The following CPNE4 variants were observed in gnomAD, a reference collection of about 807,000 sequenced individuals.
CPNE4 encodes the protein copine-4.
In CPNE4, 25 loss-of-function variants were observed where a neutral mutation model predicts 67.9. The observed-to-expected ratio is 0.37, with a 90% confidence interval of 0.27 to 0.51. CPNE4 has a LOEUF of 0.51. Ranked by LOEUF, CPNE4 falls within the 20% of genes least tolerant of loss-of-function variation. The probability of loss-of-function intolerance (pLI) is 0.93; values close to 1 mark genes in which losing one functional copy is unlikely to be tolerated. For missense variants in CPNE4, 464 were observed against 690.8 expected (o/e 0.67, Z 3.68); for synonymous variants, 242 against 244.9 (o/e 0.99, Z 0.11).
At chr3:131,876,311 T>C (rs1583386400) in intron 2 of CPNE4, among the ~76,000 whole-genome samples, 1 of 151,356 alleles carries the variant, frequency 6.6e-6, no homozygotes, top group East Asian at 1.9e-4. Context: ...AAAGGCATGC[T>C]CTTTATTTTT....
intron 7 of CPNE4, among the ~76,000 whole-genome samples, chr3:131,605,303 G>C (rs949162995): frequency 1.3e-5 from 2 of 151,918 alleles, no homozygotes; most frequent in African/African-American, 4.8e-5. Flanking sequence ...TTTAGGTGCA[G>C]CTTTGTTACA....
chr3:131,596,948 T>A (rs2107716668), intron 7 of CPNE4, among the ~76,000 whole-genome samples: 2 of 152,324 alleles, frequency 1.3e-5, no homozygotes, highest in Admixed American at 1.3e-4. Context: ...TTTCTTCACC[T>A]CTTCCCTGGT....
At chr3:131,643,056 C>T (rs2079576354) in intron 7 of CPNE4, among the ~76,000 whole-genome samples, 1 of 149,992 alleles carries the variant, frequency 6.7e-6, no homozygotes, top group African/African-American at 2.4e-5. Context: ...TTGAAACTTC[C>T]TAGAGACTTG....
chr3:131,714,363 A>G (rs2081633024), intron 3 of CPNE4, among the ~76,000 whole-genome samples: 1 of 152,226 alleles, frequency 6.6e-6, no homozygotes, highest in Non-Finnish European at 1.5e-5. Flanking sequence ...TAATAAGTCC[A>G]TTTAACTTCA....
chr3:132,034,103 C>A (rs1461933324), intron 1 of CPNE4, among the ~76,000 whole-genome samples: 1 of 152,198 alleles, frequency 6.6e-6, no homozygotes, highest in Non-Finnish European at 1.5e-5. Flanking sequence ...GAGGCTGAAT[C>A]CAACCGCAGC....
chr3:131,649,538 C>T (rs548819198), intron 7 of CPNE4, among the ~76,000 whole-genome samples: 128 of 152,330 alleles, frequency 8.4e-4, no homozygotes, highest in Non-Finnish European at 1.6e-3. Flanking sequence ...GCTAGAAGAA[C>T]TGGCTTTATT....
At chr3:131,658,924 G>A (rs530636103) in intron 7 of CPNE4, among the ~76,000 whole-genome samples, 1 of 152,258 alleles carries the variant, frequency 6.6e-6, no homozygotes, top group South Asian at 2.1e-4. Flanking sequence ...TAAAATGTGG[G>A]AGAGAAGCTG....
intron 11 of CPNE4, among the ~76,000 whole-genome samples, chr3:131,559,848 TCAGTCA>T (rs1321849449): frequency 6.6e-6 from 1 of 152,054 alleles, no homozygotes; most frequent in Non-Finnish European, 1.5e-5. Context: ...TCCACTTGAC[TCAGTCA>T]CAAGAGTTAT....
chr3:131,657,704 T>TTG (rs56890555), intron 7 of CPNE4, among the ~76,000 whole-genome samples: 3,544 of 140,870 alleles, frequency 0.025, 109 homozygotes, highest in African/African-American at 0.075. Context: ...CCAGCTAATT[T>TTG]TGTGTGTGTG....
rs571968002 is a variant in CPNE4, at chr3:131,902,612, C to G, written c.180+2652G>C. ...TATTGTAGCAATGTGAGGAAAAGCA[C>G]ATACTACTAAGCAATAAAATTAGGA... On this transcript the variant is annotated intron_variant, in intron 2 of 15. Transcript: ENST00000429747. Among the ~76,000 whole-genome samples, 3 of 152,120 alleles carry G rather than the reference C, an allele frequency of 2.0e-5. No individual in the cohort carries two copies. The East Asian group carries it at 5.8e-4, about 29-fold the overall frequency.
chr3:131,879,618 C>T (rs980606837), intron 2 of CPNE4, among the ~76,000 whole-genome samples: 9 of 152,200 alleles, frequency 5.9e-5, no homozygotes, highest in South Asian at 4.2e-4. Flanking sequence ...CAAAGCCCAT[C>T]GGCCCCCTAT....
At chr3:132,030,672 A>G (rs2074218301) in intron 1 of CPNE4, among the ~76,000 whole-genome samples, 1 of 152,240 alleles carries the variant, frequency 6.6e-6, no homozygotes, top group Non-Finnish European at 1.5e-5. Flanking sequence ...ACAGCAGACA[A>G]ATAAAGGACT....
intron 1 of CPNE4, among the ~76,000 whole-genome samples, chr3:131,959,978 T>C (rs1272232325): frequency 1.3e-5 from 2 of 152,200 alleles, no homozygotes; most frequent in East Asian, 3.8e-4. Context: ...TTCTAGGTGT[T>C]TCTAAATATT....
chr3:131,818,041 C>T (rs1435913291), intron 2 of CPNE4, among the ~76,000 whole-genome samples: 1 of 152,176 alleles, frequency 6.6e-6, no homozygotes, highest in African/African-American at 2.4e-5. Flanking sequence ...TTTTGAGCCA[C>T]AGCTCAATTT....
rs1249152029 is a variant in CPNE4, at chr3:131,546,006, G to A, written c.1303-3213C>T. 2.6e-5 allele frequency among the ~76,000 whole-genome samples: 4 copies of A among 152,074 alleles called. No individual in the cohort carries two copies. In the East Asian group the frequency reaches 7.7e-4, roughly 29 times the overall value. ...GAACTAGGGAGTCAGAGGTTGCAGT[G>A]AGCTGCCACTGCACTCCAGCCTGGC... On this transcript the variant is annotated intron_variant, in intron 14 of 15. Coordinates refer to ENST00000429747, the MANE Select transcript of CPNE4 (RefSeq NM_130808.3).
intron 1 of CPNE4, among the ~76,000 whole-genome samples, chr3:131,965,374 A>G (rs2072313613): frequency 6.6e-6 from 1 of 152,242 alleles, no homozygotes; most frequent in Admixed American, 6.5e-5. Context: ...ACACATAACA[A>G]TATTAACCTT....
chr3:131,617,708 T>C (rs1313143303), intron 7 of CPNE4, among the ~76,000 whole-genome samples: 2 of 152,204 alleles, frequency 1.3e-5, no homozygotes, highest in African/African-American at 2.4e-5. Context: ...GTTGCTATTA[T>C]AGGAATTCTC....
In CPNE4 at chr3:131,948,835, G is replaced by C. The variant is rs565484746; in HGVS notation, c.-1-43391C>G. On this transcript the variant is annotated intron_variant, in intron 1 of 15. Coordinates refer to ENST00000429747, the MANE Select transcript of CPNE4 (RefSeq NM_130808.3). Reference sequence around the variant, plus strand: ...ATCTGCTGATATGCTTTAGTACAGAGAGACTTAATATAAAATTCCATGCAG... The same window carrying C: ...ATCTGCTGATATGCTTTAGTACAGACAGACTTAATATAAAATTCCATGCAG... 2.0e-5 allele frequency among the ~76,000 whole-genome samples: 3 copies of C among 152,220 alleles called. No homozygotes were observed. In the South Asian group the frequency reaches 6.2e-4, roughly 32 times the overall value.
chr3:131,723,307 G>A, intron 3 of CPNE4, 139 bp downstream of exon 3: 1 of 712,212 alleles, frequency 1.4e-6, no homozygotes, highest in Non-Finnish European at 2.4e-6. Flanking sequence ...CACCACCTGG[G>A]AAGTTGTAAA....
Sources: gnomAD v4.1 joint callset for allele counts (sites outside exome capture counted in the v4.1 genomes callset) on GRCh38, gnomAD v4.1.1 for gene constraint, MANE v1.5 for transcripts, NCBI Gene and HGNC (gene_info 2026-07-23, HGNC 2026-07-21) for gene names.